The following PTPN2 variants were observed in gnomAD, a reference collection of about 807,000 sequenced individuals.
PTPN2 encodes protein tyrosine phosphatase non-receptor type 2.
Under a neutral mutation model 57.3 loss-of-function variants are expected in PTPN2, and 19 were observed. The ratio of observed to expected loss-of-function variants is 0.33; its 90% confidence interval spans 0.23 to 0.49. The LOEUF (loss-of-function observed/expected upper bound fraction) is 0.49. Ranked by LOEUF, PTPN2 falls within the 20% of genes least tolerant of loss-of-function variation. The pLI is 0.99. For synonymous variants in PTPN2, 153 were observed against 164.9 expected, an observed-to-expected ratio of 0.93 and a Z score of 0.55; for missense variants, 358 against 501.1, an observed-to-expected ratio of 0.71 and a Z score of 2.73.
Position 12,793,897 on chromosome 18 carries a change from C to A in PTPN2, c.*381G>T. The A allele has an allele frequency of 1.9e-6, 2 of 1,060,590 alleles. No homozygotes were observed. Among genetic ancestry groups the A allele is most frequent in the Non-Finnish European group, 1.1e-6 (1 of 876,102 alleles). 65.7% of individuals were successfully genotyped at this position (1,060,590 alleles called of 1,614,324 possible). On this transcript the variant is annotated 3_prime_UTR_variant, in exon 9 of 9. Coordinates refer to ENST00000309660, the MANE Select transcript of PTPN2 (RefSeq NM_002828.4). ...TTCTTTCCAATAACGTAGATAAAAC[C>A]ACAATATTTATTGCTTATATCAAGT...
In PTPN2 at chr18:12,859,226, G is replaced by A. The variant is rs1375809882; in HGVS notation, c.98C>T (p.Pro33Leu). 1.2e-6 allele frequency: 2 copies of A among 1,612,436 alleles called. No individual in the cohort carries two copies. Among genetic ancestry groups the A allele is most frequent in the African/African-American group, 2.7e-5 (2 of 74,808 alleles). ...TTCTGGAAACTTGGCCACTCTATGAGGATAGTCATGGGACTCATTTCGAAT... is the reference window on the plus strand; with the variant it reads ...TTCTGGAAACTTGGCCACTCTATGAAGATAGTCATGGGACTCATTTCGAAT... ...LEIRNESHDY[P>L]HRVAKFPENR... The change falls in exon 2 of 9, where the codon CCT becomes CTT. Residue 33 changes from proline to leucine, a missense_variant. Physicochemically the swap from Pro to Leu is moderately conservative, Grantham distance 98. This residue lies in a region of PTPN2 where 62 missense variants were observed against 47.9 expected (regional missense o/e 1.29). Coordinates refer to ENST00000309660, the MANE Select transcript of PTPN2 (RefSeq NM_002828.4).
At chr18:12,802,478 A>G (rs573855763) in intron 7 of PTPN2, among the ~76,000 whole-genome samples, 14 of 152,340 alleles carry the variant, frequency 9.2e-5, no homozygotes, top group South Asian at 8.3e-4. Flanking sequence ...TCACAGTAAT[A>G]TAATTTTAAT....
intron 1 of PTPN2, among the ~76,000 whole-genome samples, chr18:12,864,992 T>A (rs1284330504): frequency 2.6e-5 from 4 of 152,234 alleles, no homozygotes; most frequent in African/African-American, 9.6e-5. Flanking sequence ...TCTCAGGACT[T>A]CTGCTTAAGA....
At chr18:12,794,867 C>T (rs2041110541) in intron 8 of PTPN2, among the ~76,000 whole-genome samples, 1 of 152,278 alleles carries the variant, frequency 6.6e-6, no homozygotes, top group Non-Finnish European at 1.5e-5. Context: ...AAGCAATTCA[C>T]CCGCCTTGGC....
chr18:12,791,223 A>C (rs367800847), downstream of PTPN2, among the ~76,000 whole-genome samples: 105 of 152,344 alleles, frequency 6.9e-4, 2 homozygotes, highest in South Asian at 0.021. Context: ...ACACAGCATT[A>C]AACCAAAGGT....
At chr18:12,854,620 G>C (rs1172175961) in intron 2 of PTPN2, among the ~76,000 whole-genome samples, 3 of 152,128 alleles carry the variant, frequency 2.0e-5, no homozygotes, top group Non-Finnish European at 2.9e-5. Flanking sequence ...AGACAGAGAT[G>C]ATGACTTGGA....
intron 7 of PTPN2, among the ~76,000 whole-genome samples, chr18:12,804,289 C>CAAAAAAAAA (rs59927276): frequency 9.0e-4 from 61 of 67,726 alleles, no homozygotes; most frequent in Non-Finnish European, 1.5e-3. Context: ...GAAACTGTCT[C>CAAAAAAAAA]AAAAAAAAAA....
chr18:12,804,037 T>C (rs539998514), intron 7 of PTPN2, among the ~76,000 whole-genome samples: 1 of 151,774 alleles, frequency 6.6e-6, no homozygotes, highest in East Asian at 1.9e-4. Context: ...GCCAGGTGGG[T>C]GGCTCACACC....
intron 7 of PTPN2, among the ~76,000 whole-genome samples, chr18:12,802,855 C>T (rs1205613236): frequency 6.6e-6 from 1 of 152,100 alleles, no homozygotes; most frequent in Non-Finnish European, 1.5e-5. Context: ...ACAAGAAATG[C>T]TTAAGGGAGC....
chr18:12,869,800 A>C (rs2044123904), intron 1 of PTPN2, among the ~76,000 whole-genome samples: 1 of 152,152 alleles, frequency 6.6e-6, no homozygotes, highest in South Asian at 2.1e-4. Context: ...TTTATACTTT[A>C]GGTCTCTAAG....
chr18:12,864,710 C>T (rs1203352611), intron 1 of PTPN2, among the ~76,000 whole-genome samples: 4 of 152,082 alleles, frequency 2.6e-5, no homozygotes, highest in Non-Finnish European at 5.9e-5. Context: ...AACATACCTA[C>T]TTTCAATGTG....
intron 1 of PTPN2, among the ~76,000 whole-genome samples, chr18:12,876,999 C>T (rs1319655320): frequency 6.6e-6 from 1 of 152,106 alleles, no homozygotes; most frequent in Non-Finnish European, 1.5e-5. Context: ...AGTGCTGAAA[C>T]GAGAATCAGA....
intron 5 of PTPN2, among the ~76,000 whole-genome samples, chr18:12,819,999 C>T (rs1479494515): frequency 3.3e-5 from 5 of 152,226 alleles, no homozygotes; most frequent in African/African-American, 9.6e-5. Flanking sequence ...CTGTGGGCTA[C>T]GGCCCAGTAC....
At chr18:12,815,129 T>TAAAAAAAA (rs1375275646) in intron 6 of PTPN2, among the ~76,000 whole-genome samples, 1 of 125,426 alleles carries the variant, frequency 8.0e-6, no homozygotes, top group Non-Finnish European at 1.8e-5. Flanking sequence ...AATAAATAAA[T>TAAAAAAAA]AAATAAAAAT....
chr18:12,812,604 A>T (rs566513306), intron 7 of PTPN2, among the ~76,000 whole-genome samples: 12 of 152,310 alleles, frequency 7.9e-5, no homozygotes, highest in Middle Eastern at 3.4e-3. Flanking sequence ...CGTCTCAAAA[A>T]AAGAAAAAAA....
At chr18:12,861,695 T>C (rs2043813502) in intron 1 of PTPN2, among the ~76,000 whole-genome samples, 1 of 152,188 alleles carries the variant, frequency 6.6e-6, no homozygotes, top group African/African-American at 2.4e-5. Context: ...TATTGACCAT[T>C]ACTAGTGTAT....
intron 1 of PTPN2, 158 bp downstream of exon 1, chr18:12,883,915 C>G (rs1252002125): frequency 5.7e-6 from 3 of 521,772 alleles, no homozygotes; most frequent in East Asian, 6.9e-5. Flanking sequence ...AGAGAGCGGT[C>G]AGCGCAGGCG....
chr18:12,881,973 T>C (rs908205652), intron 1 of PTPN2, among the ~76,000 whole-genome samples: 1 of 152,126 alleles, frequency 6.6e-6, no homozygotes, highest in Non-Finnish European at 1.5e-5. Flanking sequence ...GGAACTACAA[T>C]GAGGCCCCAA....
intron 1 of PTPN2, among the ~76,000 whole-genome samples, chr18:12,864,465 G>A (rs1032942482): frequency 2.0e-5 from 3 of 151,436 alleles, no homozygotes; most frequent in South Asian, 4.2e-4. Context: ...GTGCAATCTC[G>A]GCTCACTGCA....
Sources: gnomAD v4.1 joint callset for allele counts (sites outside exome capture counted in the v4.1 genomes callset) on GRCh38, gnomAD v4.1.1 for gene constraint, gnomAD v4.1.1 regional missense constraint, MANE v1.5 for transcripts, NCBI Gene and HGNC (gene_info 2026-07-23, HGNC 2026-07-21) for gene names.